Variants in MYO3A observed in about 807,000 individuals in gnomAD.
MYO3A encodes the protein myosin-IIIa.
MYO3A carries 180 observed loss-of-function variants against 192.7 expected under a neutral mutation model. The observed-to-expected ratio is 0.93, with a 90% CI of 0.83 to 1.06. MYO3A has a LOEUF of 1.06. Ranked by LOEUF, MYO3A falls within the 50% of genes least tolerant of loss-of-function variation. The pLI is 0.00. For synonymous variants in MYO3A, 628 were observed against 645.3 expected, an observed-to-expected ratio of 0.97 and a Z score of 0.41; for missense variants, 1,896 against 1,905.0, an observed-to-expected ratio of 1.00 and a Z score of 0.09.
At chr10:26,043,073 G>A (rs1843439326) in intron 10 of MYO3A, among the ~76,000 whole-genome samples, 1 of 151,718 alleles carries the variant, frequency 6.6e-6, no homozygotes, top group Non-Finnish European at 1.5e-5. Context: ...AGAAGTACTT[G>A]GATAAGATCT....
At chr10:26,048,637 T>A (rs1026763262) in intron 10 of MYO3A, among the ~76,000 whole-genome samples, 1 of 152,168 alleles carries the variant, frequency 6.6e-6, no homozygotes, top group African/African-American at 2.4e-5. Context: ...TGTTGTTCCC[T>A]GTCCATGAAT....
chr10:25,937,797 C>T (rs191438853), intron 2 of MYO3A, among the ~76,000 whole-genome samples: 4 of 152,306 alleles, frequency 2.6e-5, no homozygotes, highest in East Asian at 1.9e-4. Flanking sequence ...CTTTGCAAAA[C>T]ATTTTTAAGC....
At chr10:26,118,554 TA>T (rs1329866233) in intron 17 of MYO3A, among the ~76,000 whole-genome samples, 1 of 152,146 alleles carries the variant, frequency 6.6e-6, no homozygotes, top group East Asian at 1.9e-4. Context: ...CTCATCCATT[TA>T]AAACACAAAA....
chr10:26,125,908 G>A (rs989204699), intron 19 of MYO3A, among the ~76,000 whole-genome samples: 2 of 151,972 alleles, frequency 1.3e-5, no homozygotes, highest in Non-Finnish European at 2.9e-5. Context: ...TTTTTAATTA[G>A]AAGTTGTACC....
At chr10:26,088,102 T>A in intron 14 of MYO3A, 101 bp from the exon 15 acceptor site, 1 of 931,256 alleles carries the variant, frequency 1.1e-6, no homozygotes, top group Non-Finnish European at 1.6e-6. Context: ...TGCTTTTGTA[T>A]GTTTATATCT....
At chr10:26,121,255 G>T (rs1314245350) in intron 18 of MYO3A, among the ~76,000 whole-genome samples, 1 of 151,418 alleles carries the variant, frequency 6.6e-6, no homozygotes, top group Non-Finnish European at 1.5e-5. Context: ...AGAGAAGCAT[G>T]TCATAGTATT....
Position 25,982,541 on chromosome 10 carries a change from C to G in MYO3A, c.304-13949C>G, listed in dbSNP as rs1839398560. Among the ~76,000 whole-genome samples, 3 of 152,202 alleles carry G rather than the reference C, an allele frequency of 2.0e-5. No homozygotes were observed. The South Asian group carries it at 6.2e-4, about 31-fold the overall frequency. Reference sequence around the variant, plus strand: ...AACACAACCAAAGACCTTCACTAAGCCCACTTTACTCCCCTGCTACCTCCA... The same window carrying G: ...AACACAACCAAAGACCTTCACTAAGGCCACTTTACTCCCCTGCTACCTCCA... On this transcript the variant is annotated intron_variant, in intron 4 of 34. Transcript: ENST00000642920.
At chr10:26,053,905 G>A (rs1218870615) in intron 10 of MYO3A, among the ~76,000 whole-genome samples, 1 of 152,180 alleles carries the variant, frequency 6.6e-6, no homozygotes, top group Non-Finnish European at 1.5e-5. Context: ...GTGGGATTAC[G>A]ATGTTGAAAA....
chr10:26,136,586 G>T (rs1260771973), intron 20 of MYO3A, among the ~76,000 whole-genome samples: 3 of 152,224 alleles, frequency 2.0e-5, no homozygotes, highest in African/African-American at 7.2e-5. Context: ...ATAGTAAAAT[G>T]ATGAGGTGGT....
At chr10:26,153,260 G>A (rs1170720702) in intron 23 of MYO3A, among the ~76,000 whole-genome samples, 1 of 152,126 alleles carries the variant, frequency 6.6e-6, no homozygotes, top group Non-Finnish European at 1.5e-5. Flanking sequence ...CTAAGTAAAT[G>A]ACCCAAAGGC....
At chr10:26,009,591 T>G (rs1050098243) in intron 6 of MYO3A, among the ~76,000 whole-genome samples, 9 of 152,182 alleles carry the variant, frequency 5.9e-5, no homozygotes, top group Admixed American at 5.9e-4. Context: ...GGAGTTTTTA[T>G]GTTGCTATCA....
At chr10:26,126,159 G>C (rs1839204523) in intron 19 of MYO3A, among the ~76,000 whole-genome samples, 1 of 152,120 alleles carries the variant, frequency 6.6e-6, no homozygotes, top group Non-Finnish European at 1.5e-5. Flanking sequence ...TTATCTGACT[G>C]TAAGTCTAGA....
intron 14 of MYO3A, among the ~76,000 whole-genome samples, chr10:26,075,850 T>TCA (rs1835539565): frequency 6.7e-6 from 1 of 150,026 alleles, no homozygotes; most frequent in Non-Finnish European, 1.5e-5. Flanking sequence ...TGTGTCTCTC[T>TCA]CATATATATC....
intron 17 of MYO3A, among the ~76,000 whole-genome samples, chr10:26,098,327 G>A (rs1326834113): frequency 2.0e-5 from 3 of 152,068 alleles, no homozygotes; most frequent in Admixed American, 2.0e-4. Flanking sequence ...TTGTCAGATG[G>A]GTAGATTGTA....
intron 2 of MYO3A, among the ~76,000 whole-genome samples, chr10:25,943,348 C>T (rs550092037): frequency 1.3e-5 from 2 of 151,972 alleles, no homozygotes; most frequent in Non-Finnish European, 2.9e-5. Flanking sequence ...TTCTTCTTTA[C>T]AAGATTACTG....
chr10:26,210,357 A>T (rs928369887), intron 34 of MYO3A, among the ~76,000 whole-genome samples: 18 of 152,190 alleles, frequency 1.2e-4, no homozygotes, highest in Non-Finnish European at 2.6e-4. Context: ...TCATTAAATG[A>T]CAGTTCCATC....
chr10:26,082,040 C>T (rs1477293575), intron 14 of MYO3A, among the ~76,000 whole-genome samples: 1 of 152,184 alleles, frequency 6.6e-6, no homozygotes, highest in African/African-American at 2.4e-5. Context: ...AGCCTCTGCA[C>T]GCTGCTCTTT....
chr10:26,111,045 T>C (rs1482677213), intron 17 of MYO3A, among the ~76,000 whole-genome samples: 1 of 151,884 alleles, frequency 6.6e-6, no homozygotes. Flanking sequence ...TTTAAAACAT[T>C]TTTTGTAGAG....
chr10:26,199,364 G>A (rs917803722), intron 32 of MYO3A, among the ~76,000 whole-genome samples: 1 of 151,988 alleles, frequency 6.6e-6, no homozygotes, highest in Non-Finnish European at 1.5e-5. Flanking sequence ...ACCAGCCTGG[G>A]GAACATAGCG....
Sources: gnomAD v4.1 joint callset for allele counts (sites outside exome capture counted in the v4.1 genomes callset) on GRCh38, gnomAD v4.1.1 for gene constraint, MANE v1.5 for transcripts, NCBI Gene and HGNC (gene_info 2026-07-23, HGNC 2026-07-21) for gene names.